The following STPG2 variants were observed in gnomAD, a reference collection of about 807,000 sequenced individuals.
STPG2 encodes sperm-tail PG-rich repeat-containing protein 2.
In STPG2, 56 loss-of-function variants were observed where a neutral mutation model predicts 54.2. That is an observed-to-expected ratio of 1.03 (90% CI 0.83 to 1.29). The LOEUF is 1.29. Ranked by LOEUF, STPG2 falls within the 50% of genes most tolerant of loss-of-function variation. The pLI is 0.00. For missense variants in STPG2, 596 were observed against 544.9 expected (o/e 1.09, Z -0.93); for synonymous variants, 200 against 181.8 (o/e 1.10, Z -0.81).
intron 10 of STPG2, among the ~76,000 whole-genome samples, chr4:97,586,051 A>G (rs1732990234): frequency 1.3e-5 from 2 of 152,012 alleles, no homozygotes; most frequent in Admixed American, 1.3e-4. Context: ...AAGGATTTTA[A>G]GAGACCCATC....
intron 4 of STPG2, among the ~76,000 whole-genome samples, chr4:97,547,007 G>A (rs566295842): frequency 1.3e-5 from 2 of 151,890 alleles, no homozygotes; most frequent in Admixed American, 6.6e-5. Flanking sequence ...TCCTAATATA[G>A]GTTTTTTTAA....
chr4:97,741,157 C>A (rs1242548517), intron 9 of STPG2, among the ~76,000 whole-genome samples: 1 of 152,092 alleles, frequency 6.6e-6, no homozygotes, highest in African/African-American at 2.4e-5. Context: ...ACTGGCTAGC[C>A]ATATGTAGAA....
intron 8 of STPG2, among the ~76,000 whole-genome samples, chr4:97,896,240 A>G (rs563563443): frequency 6.6e-6 from 1 of 151,904 alleles, no homozygotes; most frequent in African/African-American, 2.4e-5. Flanking sequence ...GGCAAGAGAG[A>G]CAGAATTATG....
chr4:97,971,358 T>C (rs959462194), intron 7 of STPG2, among the ~76,000 whole-genome samples: 1 of 152,136 alleles, frequency 6.6e-6, no homozygotes, highest in African/African-American at 2.4e-5. Flanking sequence ...CACACATATG[T>C]TTATTGCAGC....
chr4:97,855,874 T>C (rs1315050330), intron 8 of STPG2, among the ~76,000 whole-genome samples: 1 of 152,220 alleles, frequency 6.6e-6, no homozygotes, highest in Non-Finnish European at 1.5e-5. Context: ...TGTTTCAATT[T>C]GCAGCATATG....
At position 98,128,475 on chromosome 4, in the gene STPG2, G is replaced by C. The variant is rs1384531369; in HGVS notation, c.340C>G (p.Pro114Ala). ...DDGSIIKCFP[P>A]ACDSTLGPAY... ...GGACCAAGTGTACTGTCACAAGCAG[G>C]TGGAAAACATTTTATAATACTGCCA... The change falls in exon 3 of 11, where the codon CCT becomes GCT. Residue 114 changes from proline to alanine, a missense_variant. By Grantham distance (27) the Pro-to-Ala change is conservative. Transcript: ENST00000295268. The C allele has an allele frequency of 4.3e-6, 7 of 1,613,436 alleles. No individual in the cohort carries two copies. In the Admixed American group the frequency reaches 1.2e-4, roughly 27 times the overall value.
chr4:97,839,319 A>G (rs1332491071), intron 9 of STPG2, among the ~76,000 whole-genome samples: 2 of 151,632 alleles, frequency 1.3e-5, no homozygotes, highest in African/African-American at 2.4e-5. Flanking sequence ...TACTTGCCCT[A>G]TGCTAAATAC....
intron 8 of STPG2, among the ~76,000 whole-genome samples, chr4:97,864,042 C>T (rs548853141): frequency 6.6e-6 from 1 of 152,118 alleles, no homozygotes; most frequent in Non-Finnish European, 1.5e-5. Context: ...TGGCACAAGA[C>T]AGGGATGCCC....
intron 4 of STPG2, among the ~76,000 whole-genome samples, chr4:97,545,177 T>C (rs1253579895): frequency 2.0e-5 from 3 of 152,108 alleles, no homozygotes; most frequent in Admixed American, 6.5e-5. Context: ...GCTAGGCTTT[T>C]TTCTTAAAAA....
At chr4:97,463,919 TC>T (rs1227583807) in intron 4 of STPG2, among the ~76,000 whole-genome samples, 1 of 152,208 alleles carries the variant, frequency 6.6e-6, no homozygotes, top group Admixed American at 6.5e-5. Flanking sequence ...ATTTAGTAGA[TC>T]AGGTCTTTGT....
At chr4:98,025,339 T>G (rs1228894696) in intron 5 of STPG2, 3 of 266,682 alleles carry the variant, frequency 1.1e-5, no homozygotes, top group Non-Finnish European at 7.4e-6. Flanking sequence ...GTATTGGCTG[T>G]GGCCCTTTCC....
intron 6 of STPG2, among the ~76,000 whole-genome samples, chr4:97,976,244 G>A (rs549206308): frequency 1.2e-4 from 19 of 152,230 alleles, no homozygotes; most frequent in Non-Finnish European, 2.8e-4. Flanking sequence ...CAGTGGTAAT[G>A]TTTAGGAAAA....
intron 9 of STPG2, among the ~76,000 whole-genome samples, chr4:97,738,049 C>A (rs546099104): frequency 6.6e-6 from 1 of 152,086 alleles, no homozygotes; most frequent in Admixed American, 6.5e-5. Context: ...AGAGCGAAGG[C>A]CAATATTCAA....
intron 4 of STPG2, among the ~76,000 whole-genome samples, chr4:97,481,676 A>G (rs1245523269): frequency 6.6e-6 from 1 of 151,628 alleles, no homozygotes; most frequent in African/African-American, 2.4e-5. Context: ...AACACTATTA[A>G]TTTTTGAACA....
rs1013175437 is a variant in STPG2, at chr4:98,033,252, T to TA, written c.613-51935dup. ...AGAGAGAAGAATCAAATAGATGCAA[T>TA]AAAAAATAATAAAGGGGATATCACC... On this transcript the variant is annotated intron_variant, in intron 5 of 10. Transcript: ENST00000295268. 2.0e-5 allele frequency among the ~76,000 whole-genome samples: 3 copies of TA among 151,250 alleles called. No homozygotes were observed. The South Asian group carries it at 6.3e-4, about 32-fold the overall frequency.
intron 10 of STPG2, among the ~76,000 whole-genome samples, chr4:97,598,398 T>A (rs530862296): frequency 6.6e-6 from 1 of 151,740 alleles, no homozygotes; most frequent in African/African-American, 2.4e-5. Context: ...AAAATTCATA[T>A]GGAACCAAAA....
intron 8 of STPG2, among the ~76,000 whole-genome samples, chr4:97,943,186 C>A (rs1351287841): frequency 6.6e-6 from 1 of 152,086 alleles, no homozygotes; most frequent in Non-Finnish European, 1.5e-5. Flanking sequence ...TTTATGAGGT[C>A]TCCACCCTCA....
chr4:97,940,109 A>G (rs2149228161), intron 8 of STPG2, among the ~76,000 whole-genome samples: 1 of 152,252 alleles, frequency 6.6e-6, no homozygotes, highest in South Asian at 2.1e-4. Context: ...TTTTTCTTTA[A>G]GAAAGTTGAA....
At position 97,649,741 on chromosome 4, in the gene STPG2, T is replaced by C. The variant is rs541027810; in HGVS notation, c.1320+62958A>G. On this transcript the variant is annotated intron_variant, in intron 10 of 10. Coordinates refer to ENST00000295268, the MANE Select transcript of STPG2 (RefSeq NM_174952.3). ...ACCAGTTCAATTGTATCTAAATTTG[T>C]GTGCTACTCCTAGAGCAGCGATCCC... is the stretch of plus-strand genomic sequence containing the variant. 2.0e-5 allele frequency among the ~76,000 whole-genome samples: 3 copies of C among 152,218 alleles called. No individual in the cohort carries two copies. The South Asian group carries it at 6.2e-4, about 32-fold the overall frequency.
Sources: allele counts gnomAD v4.1 joint callset (sites outside exome capture counted in the v4.1 genomes callset), GRCh38; gene constraint gnomAD v4.1.1; transcripts MANE v1.5; gene names NCBI Gene and HGNC (gene_info 2026-07-23, HGNC 2026-07-21).